The following PXK variants were observed in gnomAD, a reference collection of about 807,000 sequenced individuals.
PXK encodes the protein PX domain containing serine/threonine kinase like.
In PXK, 35 loss-of-function variants were observed where a neutral mutation model predicts 84.7. The observed-to-expected ratio is 0.41, with a 90% CI of 0.32 to 0.55. The LOEUF (loss-of-function observed/expected upper bound fraction) is 0.55. Ranked by LOEUF, PXK falls within the 20% of genes least tolerant of loss-of-function variation. PXK has a pLI of 0.21. For missense variants in PXK, 634 were observed against 699.7 expected, an observed-to-expected ratio of 0.91 and a Z score of 1.06; for synonymous variants, 253 against 260.8, an observed-to-expected ratio of 0.97 and a Z score of 0.29.
At chr3:58,384,806 C>T (rs1206505823) in intron 4 of PXK, among the ~76,000 whole-genome samples, 2 of 152,186 alleles carry the variant, frequency 1.3e-5, no homozygotes, top group African/African-American at 4.8e-5. Flanking sequence ...TGTTGGGATG[C>T]AGGCACAAAT....
rs1328829553 is a variant in PXK, at chr3:58,333,045, G to A, written c.57G>A (p.Pro19=). The part of the protein sequence containing the change: ...AGKVLLDDTV[P]LTAAIEASQS... ...AGGTGCTGCTGGACGACACGGTGCC[G>A]CTGACAGCAGCCATCGAGGCGAGCC... Residue 19 remains proline (P), a synonymous_variant, in exon 1 of 18, where the codon CCG becomes CCA. Transcript: ENST00000356151. This position sits in a 1 kb window ranked among gnomAD's most constrained non-coding sequence, Gnocchi z 5.4. 5 of 1,345,786 alleles carry A rather than the reference G, an allele frequency of 3.7e-6. No homozygotes were observed. The highest frequency in any genetic ancestry group is 2.9e-6 in the Non-Finnish European group (3 of 1,034,498). The allele number at this position is 1,345,786 out of a possible 1,614,324, so 83.4% of individuals were successfully genotyped here.
chr3:58,399,303 C>T lies in PXK; in HGVS notation c.1107C>T (p.Ala369=), dbSNP rs1421177633. ...TGTGTATCTGTTCATTTCAAGTGGC[C>T]GTGTTGGAGTCTACGCTGTCTTGTG... ...FPPAPSMAVV[A]VLESTLSCEA... Residue 369 remains alanine, a synonymous_variant, in exon 12 of 18, where the codon GCC becomes GCT. Coordinates refer to ENST00000356151, the MANE Select transcript of PXK (RefSeq NM_017771.5). This position sits in a 1 kb window ranked among gnomAD's most constrained non-coding sequence, Gnocchi z 4.3. 5.0e-6 allele frequency: 8 copies of T among 1,613,822 alleles called. No homozygotes were observed. Among genetic ancestry groups the T allele is most frequent in the Non-Finnish European group, 5.9e-6 (7 of 1,179,842 alleles).
At chr3:58,365,003 TG>T (rs1559936361) in intron 1 of PXK, among the ~76,000 whole-genome samples, 2 of 152,056 alleles carry the variant, frequency 1.3e-5, no homozygotes, top group Non-Finnish European at 2.9e-5. Flanking sequence ...TCTATTTCTT[TG>T]TTTTCAATTT....
chr3:58,424,670 C>G, intron 17 of PXK, 82 bp from the exon 18 acceptor site: 1 of 1,518,896 alleles, frequency 6.6e-7, no homozygotes. Flanking sequence ...CTCACCAGTC[C>G]GTTGTGCTCA....
chr3:58,361,753 C>T (rs1405919472), intron 1 of PXK, among the ~76,000 whole-genome samples: 1 of 152,154 alleles, frequency 6.6e-6, no homozygotes, highest in African/African-American at 2.4e-5. Context: ...TATTGAAGGA[C>T]ATCTATCTTG....
In PXK at chr3:58,333,090, G is replaced by A; in HGVS notation, c.102G>A (p.Thr34=). 4.1e-6 allele frequency: 5 copies of A among 1,205,468 alleles called. No homozygotes were observed. The highest frequency in any genetic ancestry group is 5.2e-6 in the Non-Finnish European group (5 of 960,140). The allele number at this position is 1,205,468 out of a possible 1,614,324, so 74.7% of individuals were successfully genotyped here. ...IEASQSLQSH[T]EYIIRVQRGI... is the part of the protein sequence containing the mutation. ...CGAGCCAGAGCCTGCAGTCCCACAC[G>A]GTGCGCGGCCCAGCGGGCGGGCGGG... Residue 34 remains threonine (T), a splice_region_variant and synonymous_variant, in exon 1 of 18, where the codon ACG becomes ACA. Transcript: ENST00000356151. This position sits in a 1 kb window ranked among gnomAD's most constrained non-coding sequence, Gnocchi z 5.4.
rs1477516964 is a variant in PXK, at chr3:58,364,301, G to C, written c.103-1573G>C. ...TCTGTGTTTTAGAAGAGTTTGTAGA[G>C]AATTGGTGTTGATTCTTCTTAAGAC... On this transcript the variant is annotated intron_variant, in intron 1 of 17. Coordinates refer to ENST00000356151, the MANE Select transcript of PXK (RefSeq NM_017771.5). This position sits in a 1 kb window ranked among gnomAD's most constrained non-coding sequence, Gnocchi z 4.3. 6.6e-6 allele frequency among the ~76,000 whole-genome samples: 1 copy of C among 152,130 alleles called. No individual in the cohort carries two copies. The highest frequency in any genetic ancestry group is 2.4e-5 in the African/African-American group (1 of 41,422).
chr3:58,392,270 A>C (rs1420390778), intron 7 of PXK, among the ~76,000 whole-genome samples: 3 of 152,230 alleles, frequency 2.0e-5, no homozygotes, highest in African/African-American at 7.2e-5. Flanking sequence ...TTCACAGGCT[A>C]ACCAGATGAC....
chr3:58,395,785 C>T (rs779395592), intron 9 of PXK, 26 bp downstream of exon 9: 1 of 1,552,428 alleles, frequency 6.4e-7, no homozygotes, highest in Admixed American at 1.8e-5. Flanking sequence ...GTTTAAGTTG[C>T]ATTCAGATTT....
Position 58,370,296 on chromosome 3 carries a change from G to GC in PXK, c.201+819dup, listed in dbSNP as rs1194327580. Among the ~76,000 whole-genome samples, 1 of 152,200 alleles carries GC rather than the reference G, an allele frequency of 6.6e-6. No individual in the cohort carries two copies. Among genetic ancestry groups the GC allele is most frequent in the Non-Finnish European group, 1.5e-5 (1 of 68,030 alleles). On this transcript the variant is annotated intron_variant, in intron 3 of 17. Transcript: ENST00000356151. This position sits in a 1 kb window ranked among gnomAD's most constrained non-coding sequence, Gnocchi z 4.2. ...AGGGCCATAATGGGAAGAAGCATGA[G>GC]CTGGAAGGTCTTCATCTAGAAACAC...
At chr3:58,373,962 G>T (rs918603097) in intron 3 of PXK, among the ~76,000 whole-genome samples, 3 of 150,558 alleles carry the variant, frequency 2.0e-5, no homozygotes, top group Admixed American at 1.3e-4. Context: ...GGAGAATGGC[G>T]TGAACCCAGG....
rs771908415 is a variant in PXK at position 58,374,043 on chromosome 3, C to CAA, written c.201+4581_201+4582dup. ...ATGGCGACAGAGCGAGACTCCGTCT[C>CAA]AAAAAAAAAAAAAAAAAGTTTTCCC... is the stretch of plus-strand genomic sequence containing the variant. On this transcript the variant is annotated intron_variant, in intron 3 of 17. Transcript: ENST00000356151. 3.6e-3 allele frequency among the ~76,000 whole-genome samples: 311 copies of CAA among 87,568 alleles called. 2 individuals carry two copies. Among genetic ancestry groups the CAA allele is most frequent in the African/African-American group, 0.012 (242 of 21,038 alleles). The allele number at this position is 87,568 out of a possible 152,430, so 57.4% of individuals were successfully genotyped here.
chr3:58,374,591 A>T (rs1266605656), intron 3 of PXK, among the ~76,000 whole-genome samples: 1 of 152,182 alleles, frequency 6.6e-6, no homozygotes, highest in African/African-American at 2.4e-5. Context: ...AGGGCATGTT[A>T]AAGAGGAAGG....
rs1319250824 is a variant in PXK at position 58,410,107 on chromosome 3, T to C, written c.1413T>C (p.Ala471=). Residue 471 remains alanine (A), a synonymous_variant, in exon 16 of 18, where the codon GCT becomes GCC. Coordinates refer to ENST00000356151, the MANE Select transcript of PXK (RefSeq NM_017771.5). Reference sequence around the variant, plus strand: ...TCTTAAAGAAGTCAAAACGATCTGCTCTTGAAAATAGTGAAGAGCATTCAG... The same window carrying C: ...TCTTAAAGAAGTCAAAACGATCTGCCCTTGAAAATAGTGAAGAGCATTCAG... ...ILARKKSKRS[A]LENSEEHSAK... 2 of 1,598,620 alleles carry C rather than the reference T, an allele frequency of 1.3e-6. No individual in the cohort carries two copies. The highest frequency in any genetic ancestry group is 2.7e-5 in the African/African-American group (2 of 74,660).
At chr3:58,336,252 T>G (rs1048575022) in intron 1 of PXK, among the ~76,000 whole-genome samples, 1 of 151,318 alleles carries the variant, frequency 6.6e-6, no homozygotes, top group Non-Finnish European at 1.5e-5. Context: ...ATTTGTGAAC[T>G]TGGTAGGGAA....
chr3:58,420,220 A>G (rs11130638), intron 17 of PXK, among the ~76,000 whole-genome samples: 45,087 of 152,144 alleles, frequency 0.3, 7,440 homozygotes, highest in Middle Eastern at 0.4. Flanking sequence ...AGTGAGCGTC[A>G]TGCTTGTAAA....
chr3:58,337,194 A>C (rs2097637727), intron 1 of PXK, among the ~76,000 whole-genome samples: 1 of 152,184 alleles, frequency 6.6e-6, no homozygotes, highest in South Asian at 2.1e-4. Flanking sequence ...TGTTTTTGAG[A>C]AACAGATAAT....
intron 2 of PXK, among the ~76,000 whole-genome samples, chr3:58,366,914 C>T (rs147292740): frequency 1.2e-4 from 19 of 152,316 alleles, no homozygotes; most frequent in South Asian, 2.1e-4. Context: ...AACCACTCTA[C>T]GATCTTTTGC....
Position 58,388,240 on chromosome 3 carries a change from AGTT to A in PXK, c.389-2341_389-2339del, listed in dbSNP as rs386661324. On this transcript the variant is annotated intron_variant, in intron 4 of 17. Coordinates refer to ENST00000356151, the MANE Select transcript of PXK (RefSeq NM_017771.5). ...TGAAAAAAGCTATTTCACAGTCCTC[AGTT>A]TATCAGTGAGAAATCCAGTATGTTC... Among the ~76,000 whole-genome samples the A allele has an allele frequency of 7.0e-4, 106 of 152,326 alleles. 1 individual carries two copies. The highest frequency in any genetic ancestry group is 2.3e-3 in the African/African-American group (94 of 41,576).
Sources: allele counts gnomAD v4.1 joint callset (sites outside exome capture counted in the v4.1 genomes callset), GRCh38; gene constraint gnomAD v4.1.1; non-coding constraint Gnocchi (gnomAD v3.1); transcripts MANE v1.5; gene names NCBI Gene and HGNC (gene_info 2026-07-23, HGNC 2026-07-21).